Variants in LMTK2 observed in about 807,000 individuals in gnomAD.
The protein encoded by LMTK2 is lemur tail kinase 2, also known as serine/threonine-protein kinase LMTK2.
LMTK2 carries 37 observed loss-of-function variants against 127.5 expected under a neutral mutation model. The ratio of observed to expected loss-of-function variants is 0.29; its 90% CI spans 0.22 to 0.38. The LOEUF is 0.38. LMTK2 is among the 10% of genes least tolerant of loss of function. The pLI, the probability that LMTK2 is intolerant of heterozygous loss-of-function variation, is 1.00. For synonymous variants in LMTK2, 819 were observed against 810.1 expected (o/e 1.01, Z -0.19); for missense variants, 1,694 against 1,920.3 (o/e 0.88, Z 2.20).
intron 3 of LMTK2, among the ~76,000 whole-genome samples, chr7:98,150,111 C>T (rs1057098742): frequency 6.6e-6 from 1 of 152,052 alleles, no homozygotes; most frequent in Non-Finnish European, 1.5e-5. Flanking sequence ...AGTTTGAGAC[C>T]AGCCTGGTCA....
At chr7:98,156,380 G>A (rs1186182412) in intron 5 of LMTK2, among the ~76,000 whole-genome samples, 1 of 151,936 alleles carries the variant, frequency 6.6e-6, no homozygotes, top group East Asian at 1.9e-4. Flanking sequence ...CAGGAAAATG[G>A]CGTGAACCTG....
At chr7:98,164,513 A>C (rs774509995) in intron 6 of LMTK2, among the ~76,000 whole-genome samples, 2 of 152,266 alleles carry the variant, frequency 1.3e-5, no homozygotes, top group African/African-American at 2.4e-5. Flanking sequence ...CCATTAAGTA[A>C]GATGATGGAT....
intron 2 of LMTK2, among the ~76,000 whole-genome samples, chr7:98,139,297 T>G (rs938485407): frequency 5.9e-5 from 9 of 152,166 alleles, no homozygotes; most frequent in Non-Finnish European, 1.3e-4. Flanking sequence ...GTATTTTTTG[T>G]AGAGACAGGG....
chr7:98,176,056 T>C (rs1179589557), intron 7 of LMTK2, among the ~76,000 whole-genome samples: 1 of 152,210 alleles, frequency 6.6e-6, no homozygotes, highest in Non-Finnish European at 1.5e-5. Context: ...ACACAAATAC[T>C]AGCAAACTGC....
chr7:98,139,600 C>CAAT (rs1466891105), intron 2 of LMTK2, among the ~76,000 whole-genome samples: 1 of 152,136 alleles, frequency 6.6e-6, no homozygotes, highest in East Asian at 1.9e-4. Context: ...TGAAGGATTT[C>CAAT]CTCTGTTCAA....
rs539675813 is a variant in LMTK2, at chr7:98,194,536, G to A, written c.4071G>A (p.Thr1357=). The part of the protein sequence containing the change: ...EDWKKEKKAV[T]FFDDVTVYLF... ...GGAAGAAGGAAAAGAAGGCAGTCAC[G>A]TTTTTCGATGATGTCACAGTCTACC... Residue 1357 remains threonine, a synonymous_variant, in exon 11 of 14, where the codon ACG becomes ACA. Coordinates refer to ENST00000297293, the MANE Select transcript of LMTK2 (RefSeq NM_014916.4). The surrounding 1 kb of genome is among the most constrained non-coding windows in gnomAD (Gnocchi z 5.4). The A allele has an allele frequency of 3.8e-5, 61 of 1,609,562 alleles. No homozygotes were observed. Among genetic ancestry groups the A allele is most frequent in the East Asian group, 6.7e-5 (3 of 44,894 alleles).
Position 98,179,619 on chromosome 7 carries a change from C to T in LMTK2, c.792-5432C>T, listed in dbSNP as rs534970103. 1.2e-4 allele frequency among the ~76,000 whole-genome samples: 16 copies of T among 129,234 alleles called. No homozygotes were observed. The South Asian group carries it at 4.2e-3, about 34-fold the overall frequency. 84.8% of individuals were successfully genotyped at this position (129,234 alleles called of 152,430 possible). On this transcript the variant is annotated intron_variant, in intron 7 of 13. Coordinates refer to ENST00000297293, the MANE Select transcript of LMTK2 (RefSeq NM_014916.4). Reference sequence around the variant, plus strand: ...CCTCTCTCCCTCCCTCCCTTTCTCCCTCCCTCCCTTTCTCCCTCCCTCCCT... The same window carrying T: ...CCTCTCTCCCTCCCTCCCTTTCTCCTTCCCTCCCTTTCTCCCTCCCTCCCT...
chr7:98,152,507 G>T (rs529541464), intron 4 of LMTK2, among the ~76,000 whole-genome samples: 13 of 152,168 alleles, frequency 8.5e-5, no homozygotes, highest in Non-Finnish European at 1.8e-4. Flanking sequence ...TGGTGCTAGG[G>T]GCACGATGTG....
At position 98,107,168 on chromosome 7, in the gene LMTK2, C is replaced by T. The variant is rs1167093734; in HGVS notation, c.-10C>T. The T allele has an allele frequency of 4.9e-6, 7 of 1,435,852 alleles. No homozygotes were observed. Among genetic ancestry groups the T allele is most frequent in the Non-Finnish European group, 6.3e-6 (7 of 1,103,188 alleles). 88.9% of individuals were successfully genotyped at this position (1,435,852 alleles called of 1,614,324 possible). A position where few individuals can be genotyped will look rare whatever the true frequency, so the allele number is the denominator to read the frequency against. ...TCGAGGGCCGGCCCCGGAGCCGCGCCGTGGGCGAGATGCCGGGGCCGCCGG... is the reference window on the plus strand; with the variant it reads ...TCGAGGGCCGGCCCCGGAGCCGCGCTGTGGGCGAGATGCCGGGGCCGCCGG... On this transcript the variant is annotated 5_prime_UTR_variant, in exon 1 of 14. Transcript: ENST00000297293.
intron 7 of LMTK2, among the ~76,000 whole-genome samples, chr7:98,180,759 A>G (rs988000625): frequency 6.6e-6 from 1 of 152,230 alleles, no homozygotes; most frequent in Non-Finnish European, 1.5e-5. Context: ...ATTAATATTT[A>G]CTTATAACAG....
chr7:98,136,805 C>G (rs778885275), intron 1 of LMTK2, among the ~76,000 whole-genome samples: 2 of 152,122 alleles, frequency 1.3e-5, no homozygotes, highest in African/African-American at 2.4e-5. Flanking sequence ...AGACATTCCA[C>G]AAAATAACTG....
At chr7:98,186,164 A>G (rs904053593) in intron 8 of LMTK2, among the ~76,000 whole-genome samples, 1 of 151,766 alleles carries the variant, frequency 6.6e-6, no homozygotes, top group African/African-American at 2.4e-5. Context: ...CCCGGGTTCA[A>G]GCGATTCTCC....
intron 4 of LMTK2, among the ~76,000 whole-genome samples, chr7:98,152,702 C>T (rs1010380440): frequency 6.6e-6 from 1 of 152,080 alleles, no homozygotes; most frequent in African/African-American, 2.4e-5. Context: ...CTAGAGACTG[C>T]CTTGCTCGGA....
At chr7:98,165,384 CGT>C (rs1584273697) in intron 6 of LMTK2, among the ~76,000 whole-genome samples, 1 of 152,160 alleles carries the variant, frequency 6.6e-6, no homozygotes, top group Non-Finnish European at 1.5e-5. Context: ...ACCCAGGCTG[CGT>C]GTGTCAGGGT....
At chr7:98,125,817 TAAAAATC>T (rs1397757159) in intron 1 of LMTK2, among the ~76,000 whole-genome samples, 2 of 152,214 alleles carry the variant, frequency 1.3e-5, no homozygotes, top group African/African-American at 4.8e-5. Context: ...AGATGGTACT[TAAAAATC>T]AAAACTTCAT....
chr7:98,122,789 G>C (rs1796384345), intron 1 of LMTK2, among the ~76,000 whole-genome samples: 1 of 150,578 alleles, frequency 6.6e-6, no homozygotes, highest in South Asian at 2.1e-4. Context: ...AAAGTGCTGG[G>C]CTTACAGGCT....
At chr7:98,139,793 G>A (rs146857328) in intron 2 of LMTK2, among the ~76,000 whole-genome samples, 96 of 152,252 alleles carry the variant, frequency 6.3e-4, no homozygotes, top group Non-Finnish European at 1.0e-3. Context: ...TTTCTTTCTT[G>A]TATTGGATGG....
intron 11 of LMTK2, among the ~76,000 whole-genome samples, chr7:98,202,410 G>T (rs1413212403): frequency 2.6e-5 from 4 of 152,154 alleles, no homozygotes; most frequent in Non-Finnish European, 4.4e-5. Flanking sequence ...CTGTGGTACG[G>T]TGACACTGGC....
At chr7:98,173,412 T>G (rs891890613) in intron 7 of LMTK2, among the ~76,000 whole-genome samples, 2 of 152,174 alleles carry the variant, frequency 1.3e-5, no homozygotes, top group Non-Finnish European at 2.9e-5. Flanking sequence ...AAGCCTACAT[T>G]TAGCTTTTGA....
Sources: gnomAD v4.1 joint callset for allele counts (sites outside exome capture counted in the v4.1 genomes callset) on GRCh38, gnomAD v4.1.1 for gene constraint, Gnocchi (gnomAD v3.1) non-coding constraint, MANE v1.5 for transcripts, NCBI Gene and HGNC (gene_info 2026-07-23, HGNC 2026-07-21) for gene names.